Variants in PSD3 observed in about 807,000 individuals in gnomAD.
PSD3 encodes pleckstrin and Sec7 domain containing 3.
PSD3 carries 49 observed loss-of-function variants against 105.5 expected under a neutral mutation model. That is an observed-to-expected ratio of 0.46 (90% CI 0.37 to 0.59). PSD3 has a LOEUF of 0.59. PSD3 is among the 20% of genes least tolerant of loss of function. The probability of loss-of-function intolerance (pLI) is 0.00; values close to 1 mark genes in which losing one functional copy is unlikely to be tolerated. For missense variants in PSD3, 1,561 were observed against 1,263.8 expected (o/e 1.24, Z -3.57); for synonymous variants, 557 against 457.8 (o/e 1.22, Z -2.77).
chr8:18,961,541 T>C (rs1823923361), intron 1 of PSD3, among the ~76,000 whole-genome samples: 1 of 151,782 alleles, frequency 6.6e-6, no homozygotes, highest in Non-Finnish European at 1.5e-5. Flanking sequence ...AATAGAAAAA[T>C]TAGCTGGGCA....
At chr8:18,634,757 G>GT (rs758008308) in intron 10 of PSD3, among the ~76,000 whole-genome samples, 2 of 152,064 alleles carry the variant, frequency 1.3e-5, no homozygotes, top group Non-Finnish European at 2.9e-5. Flanking sequence ...TTCCATATAG[G>GT]TGATGCATCT....
intron 1 of PSD3, among the ~76,000 whole-genome samples, chr8:19,011,470 G>C (rs909484950): frequency 1.3e-5 from 2 of 152,194 alleles, no homozygotes; most frequent in Admixed American, 6.5e-5. Flanking sequence ...GTTTTAGAAA[G>C]AGGGCAGAGC....
At position 18,604,099 on chromosome 8, in the gene PSD3, G is replaced by A. The variant is rs1804638601; in HGVS notation, c.2411-3665C>T. 1.3e-5 allele frequency among the ~76,000 whole-genome samples: 2 copies of A among 151,534 alleles called. 1 individual carries two copies. Among genetic ancestry groups the A allele is most frequent in the South Asian group, 4.1e-4 (2 of 4,824 alleles). On this transcript the variant is annotated intron_variant, in intron 11 of 15. Coordinates refer to ENST00000327040, the MANE Select transcript of PSD3 (RefSeq NM_015310.4). ...ACTTTTGAACTGGATAAAAATCAGA[G>A]GTTGGAAGAGGGTGGAGGGCTCAGA... is the stretch of plus-strand genomic sequence containing the variant.
intron 1 of PSD3, among the ~76,000 whole-genome samples, chr8:18,943,975 T>C (rs11784994): frequency 0.97 from 146,889 of 152,144 alleles, 71,121 homozygotes; most frequent in Middle Eastern, 1. Flanking sequence ...CACGACTCTA[T>C]TAGTAAATAA....
At chr8:18,932,379 G>T (rs935078318) in intron 2 of PSD3, among the ~76,000 whole-genome samples, 8 of 152,174 alleles carry the variant, frequency 5.3e-5, no homozygotes, top group Non-Finnish European at 1.0e-4. Context: ...CAGTCAGAGA[G>T]TTTCAAAAAC....
chr8:18,759,078 T>TCACACACACACACACACACA (rs199628183), intron 9 of PSD3, among the ~76,000 whole-genome samples: 1 of 148,552 alleles, frequency 6.7e-6, no homozygotes, highest in Non-Finnish European at 1.5e-5. Flanking sequence ...AACCCATTCT[T>TCACACACACACACACACACA]CACACACACA....
intron 9 of PSD3, among the ~76,000 whole-genome samples, chr8:18,670,352 C>G (rs1272318715): frequency 6.6e-6 from 1 of 152,118 alleles, no homozygotes. Flanking sequence ...TCTGTGCTGG[C>G]CGGGTGACCA....
rs1162456453 is a variant in PSD3 at position 18,594,295 on chromosome 8, AT to A, written c.2481+6068del. On this transcript the variant is annotated intron_variant, in intron 12 of 15. Transcript: ENST00000327040. ...ATATATATTATATAATATATATTAT[AT>A]ATAATAATATATATTATTATATATA... Among the ~76,000 whole-genome samples, 15 of 12,930 alleles carry A rather than the reference AT, an allele frequency of 1.2e-3. 4 individuals are homozygous for A. Among genetic ancestry groups the A allele is most frequent in the South Asian group, 2.8e-3 (1 of 362 alleles). 8.5% of individuals were successfully genotyped at this position (12,930 alleles called of 152,430 possible).
intron 9 of PSD3, among the ~76,000 whole-genome samples, chr8:18,667,680 A>G (rs1251956935): frequency 6.6e-6 from 1 of 152,250 alleles, no homozygotes; most frequent in African/African-American, 2.4e-5. Context: ...GTGTGCCTGC[A>G]CTCCTCAGCC....
At chr8:18,742,565 T>C (rs1563215915) in intron 9 of PSD3, among the ~76,000 whole-genome samples, 1 of 152,244 alleles carries the variant, frequency 6.6e-6, no homozygotes, top group Non-Finnish European at 1.5e-5. Flanking sequence ...TAATCATAGA[T>C]AGCTTTTGTG....
chr8:18,872,637 G>A lies in PSD3; in HGVS notation c.227C>T (p.Ser76Phe), dbSNP rs2129457726. ...CAGAGCCTCACCATCAAATTCCAGA[G>A]AAGCCCTTAGGCCTTCTCCACCTTC... ...MEEGGEGLRA[S>F]LEFDGEALPC... The change falls in exon 3 of 16, where the codon TCT becomes TTT. Residue 76 changes from serine to phenylalanine, a missense_variant. Ser to Phe is a radical substitution (Grantham distance 155). Coordinates refer to ENST00000327040, the MANE Select transcript of PSD3 (RefSeq NM_015310.4). 6.2e-7 allele frequency: 1 copy of A among 1,613,894 alleles called. No homozygotes were observed. The highest frequency in any genetic ancestry group is 2.2e-5 in the East Asian group (1 of 44,864).
chr8:18,589,612 C>G (rs2130481489), intron 12 of PSD3, among the ~76,000 whole-genome samples: 1 of 152,244 alleles, frequency 6.6e-6, no homozygotes, highest in South Asian at 2.1e-4. Flanking sequence ...GTTTACAAAG[C>G]TGCTCTGGTA....
At chr8:19,060,362 T>G (rs999069744) in intron 1 of PSD3, among the ~76,000 whole-genome samples, 13 of 152,218 alleles carry the variant, frequency 8.5e-5, no homozygotes, top group Non-Finnish European at 1.8e-4. Flanking sequence ...CTTTTAGGTT[T>G]ACTGATTTCC....
chr8:18,658,732 T>A (rs1809086759), intron 9 of PSD3, among the ~76,000 whole-genome samples: 1 of 152,136 alleles, frequency 6.6e-6, no homozygotes, highest in Admixed American at 6.5e-5. Flanking sequence ...TAGTTAAGAT[T>A]TCTTTTACTT....
chr8:18,868,947 T>C (rs994064214), intron 3 of PSD3, among the ~76,000 whole-genome samples: 10 of 152,096 alleles, frequency 6.6e-5, no homozygotes, highest in Non-Finnish European at 1.3e-4. Context: ...TTCCTACAAA[T>C]AGGAATAACA....
chr8:19,047,619 C>T (rs1828369915), intron 1 of PSD3, among the ~76,000 whole-genome samples: 1 of 152,120 alleles, frequency 6.6e-6, no homozygotes, highest in Non-Finnish European at 1.5e-5. Flanking sequence ...CACCATCAAG[C>T]CCCAGGGTCA....
chr8:18,954,062 T>C (rs1823405176), intron 1 of PSD3, among the ~76,000 whole-genome samples: 1 of 152,132 alleles, frequency 6.6e-6, no homozygotes, highest in African/African-American at 2.4e-5. Context: ...ACCAGCTGTA[T>C]TGGTACAGGC....
chr8:19,015,685 A>G (rs1466626725), upstream of PSD3, among the ~76,000 whole-genome samples: 1 of 152,240 alleles, frequency 6.6e-6, no homozygotes, highest in East Asian at 1.9e-4. Context: ...GGACTTGGGC[A>G]TAGACATCTA....
chr8:19,072,383 G>A (rs766511041), intron 1 of PSD3, among the ~76,000 whole-genome samples: 8 of 152,094 alleles, frequency 5.3e-5, no homozygotes, highest in East Asian at 1.9e-4. Context: ...CACGGAGCCC[G>A]GATGGTTTTC....
Sources: allele counts gnomAD v4.1 joint callset (sites outside exome capture counted in the v4.1 genomes callset), GRCh38; gene constraint gnomAD v4.1.1; transcripts MANE v1.5; gene names NCBI Gene and HGNC (gene_info 2026-07-23, HGNC 2026-07-21).